KCTD2: variants seen among roughly 807,000 people sequenced by gnomAD.
KCTD2 encodes the protein potassium channel tetramerization domain containing 2.
Under a neutral mutation model 27.9 loss-of-function variants are expected in KCTD2, and 18 were observed. The ratio of observed to expected loss-of-function variants is 0.64; its 90% CI spans 0.45 to 0.96. The LOEUF is 0.96. Among genes scored for constraint, KCTD2 ranks in the 40% least tolerant of loss-of-function variants. KCTD2 has a pLI of 0.00. For missense variants in KCTD2, 280 were observed against 348.0 expected, an observed-to-expected ratio of 0.80 and a Z score of 1.56; for synonymous variants, 175 against 148.4, an observed-to-expected ratio of 1.18 and a Z score of -1.30.
intron 5 of KCTD2, 59 bp from the exon 6 acceptor site, chr17:75,062,959 C>G (rs1435360329): frequency 6.3e-7 from 1 of 1,579,996 alleles, no homozygotes; most frequent in Non-Finnish European, 8.7e-7. Context: ...GAAAGCATCC[C>G]CCGACATCTC....
chr17:75,054,587 T>G (rs927269545), intron 3 of KCTD2, among the ~76,000 whole-genome samples: 30 of 151,990 alleles, frequency 2.0e-4, no homozygotes, highest in African/African-American at 7.0e-4. Flanking sequence ...GGGCAGATCA[T>G]GAGGTCAGGA....
Position 75,049,324 on chromosome 17 carries a change from A to G in KCTD2, c.444A>G (p.Glu148=), listed in dbSNP as rs756585463. The change falls in exon 2 of 6, where the codon GAA becomes GAG. Residue 148 remains glutamate (E), a synonymous_variant. Transcript: ENST00000322444. ...TCATCATCACTAAGGAGTTGGCAGAAGAAGGTAAGCGCACTGTTTGCATTG... is the reference window on the plus strand; with the variant it reads ...TCATCATCACTAAGGAGTTGGCAGAGGAAGGTAAGCGCACTGTTTGCATTG... ...GKLIITKELA[E]EGVLEEAEFY... is the part of the protein sequence containing the mutation. The G allele has an allele frequency of 1.3e-6, 2 of 1,591,266 alleles. No individual in the cohort carries two copies. Among genetic ancestry groups the G allele is most frequent in the South Asian group, 2.2e-5 (2 of 90,546 alleles).
In KCTD2 at chr17:75,047,603, T is replaced by TCGGGCGCGCCCC. The variant is rs761264837; in HGVS notation, c.339+20_339+31dup. On this transcript the variant is annotated intron_variant, in intron 1 of 5. Coordinates refer to ENST00000322444, the MANE Select transcript of KCTD2 (RefSeq NM_015353.3). ...GACTCAGACAAGGTGTGCCCCGCCC[T>TCGGGCGCGCCCC]CGGGCGCGCCCCCGGGCCTTCGAAC... 6.2e-7 allele frequency: 1 copy of TCGGGCGCGCCCC among 1,602,548 alleles called. No homozygotes were observed. The highest frequency in any genetic ancestry group is 8.5e-7 in the Non-Finnish European group (1 of 1,175,244).
intron 4 of KCTD2, 61 bp from the exon 5 acceptor site, chr17:75,062,059 G>A: frequency 6.3e-7 from 1 of 1,597,506 alleles, no homozygotes; most frequent in East Asian, 2.2e-5. Context: ...GATTTGTGTA[G>A]CACTTTCGAA....
At chr17:75,053,670 C>T (rs1270122194) in intron 3 of KCTD2, among the ~76,000 whole-genome samples, 4 of 151,632 alleles carry the variant, frequency 2.6e-5, no homozygotes, top group East Asian at 3.9e-4. Flanking sequence ...CTCGAACTCC[C>T]GACCTCAGGT....
intron 2 of KCTD2, chr17:75,035,177 T>C (rs943286442): frequency 6.6e-6 from 1 of 152,068 alleles, no homozygotes; most frequent in Non-Finnish European, 1.5e-5. Flanking sequence ...TCGAGTCCCT[T>C]CGTGGTCGGA....
At chr17:75,056,907 G>T (rs1467648562) in intron 3 of KCTD2, among the ~76,000 whole-genome samples, 1 of 150,862 alleles carries the variant, frequency 6.6e-6, no homozygotes, top group Non-Finnish European at 1.5e-5. Context: ...GCTCTTAGTG[G>T]CTGCCACCTA....
chr17:75,035,116 C>T (rs951382326), intron 2 of KCTD2: 1 of 152,098 alleles, frequency 6.6e-6, no homozygotes, highest in African/African-American at 2.4e-5. Context: ...AGCCGGAGAC[C>T]GCGTGGCCTA....
intron 2 of KCTD2, 133 bp from the exon 3 acceptor site, chr17:75,052,881 A>G: frequency 1.4e-6 from 1 of 698,018 alleles, no homozygotes; most frequent in Non-Finnish European, 2.5e-6. Context: ...GCGACAGAGT[A>G]AGACTCCGTC....
chr17:75,041,488 G>C (rs1345371212), intron 3 of KCTD2: 1 of 151,508 alleles, frequency 6.6e-6, no homozygotes, highest in African/African-American at 2.4e-5. Flanking sequence ...ATCAGGTGTG[G>C]TGGTGGCATG....
upstream of KCTD2, among the ~76,000 whole-genome samples, chr17:75,044,270 A>T (rs1438554213): frequency 1.8e-5 from 2 of 111,622 alleles, 1 homozygote; most frequent in African/African-American, 1.4e-4. Flanking sequence ...CAGTGGCGCA[A>T]TCTCGGCTCA....
chr17:75,040,885 C>CA (rs34981433), intron 3 of KCTD2: 875 of 76,862 alleles, frequency 0.011, 12 homozygotes, highest in African/African-American at 0.029. Context: ...GACTCCGTCT[C>CA]AAAAAAAAAA....
chr17:75,047,298 C>A lies in KCTD2; in HGVS notation c.48C>A (p.Gly16=). Residue 16 remains glycine (G), a synonymous_variant, in exon 1 of 6, where the codon GGC becomes GGA. Transcript: ENST00000322444. The part of the protein sequence containing the change: ...LDPAMAGLGG[G]GGSGVGDGGG... ...CGGCGATGGCGGGGCTGGGAGGGGG[C>A]GGCGGGAGTGGGGTGGGCGACGGGG... is the stretch of plus-strand genomic sequence containing the variant. 1 of 658,526 alleles carries A rather than the reference C, an allele frequency of 1.5e-6. No homozygotes were observed. Among genetic ancestry groups the A allele is most frequent in the Non-Finnish European group, 1.9e-6 (1 of 531,430 alleles). The allele number at this position is 658,526 out of a possible 1,614,324, so 40.8% of individuals were successfully genotyped here.
At chr17:75,059,443 C>A in intron 3 of KCTD2, 67 bp from the exon 4 acceptor site, 1 of 1,035,970 alleles carries the variant, frequency 9.7e-7, no homozygotes, top group Non-Finnish European at 1.4e-6. Flanking sequence ...TTTGAAGAGC[C>A]TCCTTGGGGC....
rs762134651 is a variant in KCTD2, at chr17:75,053,110, T to C, written c.540+5T>C. 12 of 1,609,572 alleles carry C rather than the reference T, an allele frequency of 7.5e-6. No homozygotes were observed. The highest frequency in any genetic ancestry group is 4.0e-5 in the African/African-American group (3 of 74,766). On this transcript the variant is annotated splice_donor_5th_base_variant and intron_variant, in intron 3 of 5. Transcript: ENST00000322444. Reference sequence around the variant, plus strand: ...AATGAGAACAGAACTTCACAAGTAATGTATTTGGAACTGTTAAGGAGGGTT... The same window carrying C: ...AATGAGAACAGAACTTCACAAGTAACGTATTTGGAACTGTTAAGGAGGGTT...
chr17:75,040,887 A>G (rs554881177), intron 3 of KCTD2: 1 of 142,726 alleles, frequency 7.0e-6, no homozygotes, highest in East Asian at 2.0e-4. Flanking sequence ...CTCCGTCTCA[A>G]AAAAAAAAAA....
At chr17:75,051,672 A>G (rs905069394) in intron 2 of KCTD2, among the ~76,000 whole-genome samples, 9 of 149,750 alleles carry the variant, frequency 6.0e-5, no homozygotes, top group Non-Finnish European at 1.0e-4. Flanking sequence ...CACCACAGTT[A>G]TTTCTGAACT....
At chr17:75,061,014 A>T (rs903431552) in intron 4 of KCTD2, among the ~76,000 whole-genome samples, 1 of 151,904 alleles carries the variant, frequency 6.6e-6, no homozygotes. Context: ...AATGCCCTCC[A>T]CTCCAGAAGT....
intron 2 of KCTD2, among the ~76,000 whole-genome samples, chr17:75,051,277 CTT>C (rs35794705): frequency 0.015 from 955 of 64,580 alleles, 3 homozygotes; most frequent in Non-Finnish European, 0.02. Context: ...CGCGCCCGAC[CTT>C]TTTTTTTTTT....
Sources: gnomAD v4.1 joint callset for allele counts (sites outside exome capture counted in the v4.1 genomes callset) on GRCh38, gnomAD v4.1.1 for gene constraint, MANE v1.5 for transcripts, NCBI Gene and HGNC (gene_info 2026-07-23, HGNC 2026-07-21) for gene names.